The following CYLC1 variants were observed in gnomAD, a reference collection of about 807,000 sequenced individuals.
The protein encoded by CYLC1 is cylicin-1.
A neutral mutation model predicts 31.6 loss-of-function variants in CYLC1; 2 were observed. That is an observed-to-expected ratio of 0.06 (90% CI 0.03 to 0.20). The LOEUF is 0.20. Among genes scored for constraint, CYLC1 ranks in the 10% least tolerant of loss-of-function variants. CYLC1 has a pLI of 1.00. For missense variants in CYLC1, 595 were observed against 424.1 expected, an observed-to-expected ratio of 1.40 and a Z score of -3.54; for synonymous variants, 185 against 153.0, an observed-to-expected ratio of 1.21 and a Z score of -1.54.
intron 4 of CYLC1, among the ~76,000 whole-genome samples, chrX:83,883,475 C>A (rs1225859743): frequency 7.2e-5 from 8 of 111,657 alleles, no homozygotes; most frequent in Non-Finnish European, 1.5e-4. Flanking sequence ...AAATGCATAT[C>A]TATTTCTTTC....
chrX:83,880,262 G>C (rs55947011), intron 4 of CYLC1, among the ~76,000 whole-genome samples: 257 of 111,480 alleles, frequency 2.3e-3, no homozygotes, highest in Non-Finnish European at 4.2e-3. Flanking sequence ...TTTCTTGGCT[G>C]TCCGTATTAG....
intron 4 of CYLC1, among the ~76,000 whole-genome samples, chrX:83,884,032 T>C (rs1044375665): frequency 7.2e-5 from 8 of 111,320 alleles, no homozygotes; most frequent in Non-Finnish European, 1.1e-4. Flanking sequence ...TGTGAAATTA[T>C]ATTATGAGAT....
chrX:83,880,116 G>A (rs1479440356), intron 4 of CYLC1, among the ~76,000 whole-genome samples: 1 of 111,504 alleles, frequency 9.0e-6, no homozygotes, highest in Non-Finnish European at 1.9e-5. Flanking sequence ...GCATATTATA[G>A]GTATTACTCC....
Position 83,872,895 on chromosome X carries a change from A to G in CYLC1, c.187A>G (p.Lys63Glu). The G allele has an allele frequency of 8.6e-7, 1 of 1,162,298 alleles. No homozygotes were observed. The highest frequency in any genetic ancestry group is 1.1e-6 in the Non-Finnish European group (1 of 875,069). ...KSQITVTRHD[K>E]RKLEEGQKPA... is the part of the protein sequence containing the mutation. ...TAACCAATCTTTTCAGAGACATGAC[A>G]AAAGAAAACTAGAAGAAGGCCAGAA... Residue 63 changes from lysine (K) to glutamate (E), a missense_variant, in exon 4 of 5, where the codon AAA becomes GAA. Lys to Glu is a moderately conservative substitution (Grantham distance 56). Coordinates refer to ENST00000329312, the MANE Select transcript of CYLC1 (RefSeq NM_021118.3).
rs756963807 is a variant in CYLC1, at chrX:83,873,053, T to C, written c.345T>C (p.Tyr115=). ...AAACCCATCTTAAAAAAGCAGAATA[T>C]AAAAAGTCCAAAGATGAAAAAGGAG... The part of the protein sequence containing the change: ...TSKTHLKKAE[Y]KKSKDEKGGT... Residue 115 remains tyrosine, a synonymous_variant, in exon 4 of 5, where the codon TAT becomes TAC. Coordinates refer to ENST00000329312, the MANE Select transcript of CYLC1 (RefSeq NM_021118.3). The C allele has an allele frequency of 6.4e-5, 77 of 1,197,070 alleles. No homozygotes were observed. Among genetic ancestry groups the C allele is most frequent in the Non-Finnish European group, 8.5e-5 (76 of 890,544 alleles).
Position 83,873,781 on chromosome X carries a change from A to G in CYLC1, c.1073A>G (p.Asp358Gly), listed in dbSNP as rs756372893. The G allele has an allele frequency of 6.7e-5, 80 of 1,187,860 alleles. No homozygotes were observed. Among genetic ancestry groups the G allele is most frequent in the Non-Finnish European group, 9.1e-5 (80 of 883,800 alleles). Residue 358 changes from aspartate to glycine, a missense_variant, in exon 4 of 5, where the codon GAC becomes GGC. By Grantham distance (94) the Asp-to-Gly change is moderately conservative. Coordinates refer to ENST00000329312, the MANE Select transcript of CYLC1 (RefSeq NM_021118.3). ...KKDKKKLKKDDKKKDTKKYPE... is the reference protein window; with the variant it reads ...KKDKKKLKKDGKKKDTKKYPE... ...GATAAGAAAAAATTAAAGAAAGATG[A>G]CAAGAAAAAGGACACAAAGAAGTAC...
chrX:83,873,067 A>T lies in CYLC1; in HGVS notation c.359A>T (p.Asp120Val), dbSNP rs1317232315. The T allele has an allele frequency of 5.9e-6, 7 of 1,196,387 alleles. No individual in the cohort carries two copies. The highest frequency in any genetic ancestry group is 7.9e-6 in the Non-Finnish European group (7 of 890,360). Residue 120 changes from aspartate to valine, a missense_variant, in exon 4 of 5, where the codon GAT becomes GTT. Coordinates refer to ENST00000329312, the MANE Select transcript of CYLC1 (RefSeq NM_021118.3). ...LKKAEYKKSKDEKGGTPLKKD... is the reference protein window; with the variant it reads ...LKKAEYKKSKVEKGGTPLKKD... ...AAAGCAGAATATAAAAAGTCCAAAG[A>T]TGAAAAAGGAGGAACACCTTTGAAG...
At chrX:83,863,336 C>T (rs768846653) in intron 1 of CYLC1, among the ~76,000 whole-genome samples, 6 of 111,189 alleles carry the variant, frequency 5.4e-5, no homozygotes, top group Non-Finnish European at 7.5e-5. Context: ...ACCTCTAAGA[C>T]TGATCATTGA....
Position 83,873,929 on chromosome X carries a change from T to G in CYLC1, c.1221T>G (p.Thr407=), listed in dbSNP as rs897255586. 2 of 1,186,544 alleles carry G rather than the reference T, an allele frequency of 1.7e-6. No homozygotes were observed. Among genetic ancestry groups the G allele is most frequent in the African/African-American group, 1.8e-5 (1 of 55,836 alleles). The part of the protein sequence containing the change: ...KKDAKKITFS[T]DSESELESKE... ...ATGCAAAGAAAATTACATTCTCTAC[T>G]GATTCTGAATCTGAACTGGAGTCAA... The change falls in exon 4 of 5, where the codon ACT becomes ACG. Residue 407 remains threonine (T), a synonymous_variant. Transcript: ENST00000329312.
chrX:83,885,883 T>C (rs1198253672), intron 4 of CYLC1, among the ~76,000 whole-genome samples: 1 of 109,922 alleles, frequency 9.1e-6, no homozygotes, highest in Non-Finnish European at 1.9e-5. Context: ...GTATAATGTA[T>C]AAAATTAGAG....
chrX:83,880,614 C>A (rs989980914), intron 4 of CYLC1, among the ~76,000 whole-genome samples: 1 of 111,032 alleles, frequency 9.0e-6, no homozygotes, highest in Non-Finnish European at 1.9e-5. Flanking sequence ...TAAGTGATTT[C>A]TTTCTTAATC....
At chrX:83,883,769 G>A (rs1219942278) in intron 4 of CYLC1, among the ~76,000 whole-genome samples, 8 of 111,657 alleles carry the variant, frequency 7.2e-5, no homozygotes, top group Non-Finnish European at 1.5e-4. Flanking sequence ...CTCAATATTT[G>A]CTGAAAAATT....
intron 4 of CYLC1, among the ~76,000 whole-genome samples, chrX:83,880,064 A>G (rs1042282900): frequency 1.8e-5 from 2 of 111,312 alleles, no homozygotes; most frequent in African/African-American, 6.5e-5. Flanking sequence ...CATTTTTCAC[A>G]TGGGTTATTT....
intron 1 of CYLC1, among the ~76,000 whole-genome samples, chrX:83,868,845 A>G (rs1215664305): frequency 9.0e-6 from 1 of 111,021 alleles, no homozygotes; most frequent in African/African-American, 3.3e-5. Context: ...ACGTTATTTT[A>G]CTTCCAAATT....
intron 4 of CYLC1, among the ~76,000 whole-genome samples, chrX:83,881,566 C>T (rs2031907109): frequency 9.2e-6 from 1 of 108,884 alleles, no homozygotes; most frequent in Non-Finnish European, 1.9e-5. Context: ...ATAATGGTAA[C>T]ATTGGACGGA....
chrX:83,885,776 G>T (rs2031973348), intron 4 of CYLC1, among the ~76,000 whole-genome samples: 1 of 109,350 alleles, frequency 9.1e-6, no homozygotes, highest in Non-Finnish European at 1.9e-5. Flanking sequence ...TGCATAAAGA[G>T]CATGATTGCA....
At chrX:83,879,861 A>C (rs1003994245) in intron 4 of CYLC1, among the ~76,000 whole-genome samples, 2 of 111,767 alleles carry the variant, frequency 1.8e-5, no homozygotes, top group African/African-American at 6.5e-5. Context: ...AAGAAATAAT[A>C]CATCTTTGCA....
At chrX:83,865,197 A>C (rs968044195) in intron 1 of CYLC1, among the ~76,000 whole-genome samples, 1 of 111,169 alleles carries the variant, frequency 9.0e-6, no homozygotes, top group African/African-American at 3.3e-5. Flanking sequence ...CTCATCCATA[A>C]GTATTCTGCA....
intron 1 of CYLC1, among the ~76,000 whole-genome samples, chrX:83,862,882 C>T (rs2147775326): frequency 9.0e-6 from 1 of 111,660 alleles, no homozygotes; most frequent in African/African-American, 3.3e-5. Context: ...TGATGTTTTC[C>T]TTCCTACATC....
Sources: allele counts gnomAD v4.1 joint callset (sites outside exome capture counted in the v4.1 genomes callset), GRCh38; gene constraint gnomAD v4.1.1; transcripts MANE v1.5; gene names NCBI Gene and HGNC (gene_info 2026-07-23, HGNC 2026-07-21).